Variants in DNER observed in about 807,000 individuals in gnomAD.
DNER encodes the protein delta and Notch-like epidermal growth factor-related receptor.
In DNER, 33 loss-of-function variants were observed where a neutral mutation model predicts 78.2. The observed-to-expected ratio is 0.42, with a 90% confidence interval of 0.32 to 0.56. DNER has a LOEUF of 0.56. DNER is among the 20% of genes least tolerant of loss of function. DNER has a pLI of 0.11. For synonymous variants in DNER, 417 were observed against 384.8 expected (o/e 1.08, Z -0.98); for missense variants, 918 against 975.3 (o/e 0.94, Z 0.78).
chr2:229,494,065 T>C (rs927043778), intron 6 of DNER, among the ~76,000 whole-genome samples: 4 of 152,198 alleles, frequency 2.6e-5, no homozygotes, highest in East Asian at 1.9e-4. Context: ...AATAGTATGA[T>C]ATTAGGGCTT....
At chr2:229,391,060 G>A (rs550199382) in intron 10 of DNER, among the ~76,000 whole-genome samples, 66 of 152,270 alleles carry the variant, frequency 4.3e-4, no homozygotes, top group African/African-American at 1.5e-3. Context: ...AGCCCCTCAA[G>A]GGAGTTTTCA....
chr2:229,557,585 G>A (rs754639023), intron 4 of DNER, among the ~76,000 whole-genome samples: 13 of 151,872 alleles, frequency 8.6e-5, no homozygotes, highest in Non-Finnish European at 1.8e-4. Context: ...AGCCTGCTGT[G>A]AATTACAAGC....
chr2:229,397,955 C>A (rs904988744), intron 10 of DNER, among the ~76,000 whole-genome samples: 8 of 151,478 alleles, frequency 5.3e-5, no homozygotes, highest in Non-Finnish European at 1.0e-4. Flanking sequence ...AGATCTTACC[C>A]AAAAAACCTA....
At chr2:229,576,385 A>G (rs1170353720) in intron 4 of DNER, among the ~76,000 whole-genome samples, 2 of 151,594 alleles carry the variant, frequency 1.3e-5, no homozygotes, top group Non-Finnish European at 2.9e-5. Flanking sequence ...ATATAATAAA[A>G]AGGGGGAATG....
intron 8 of DNER, among the ~76,000 whole-genome samples, chr2:229,433,850 T>C (rs978770968): frequency 2.6e-5 from 4 of 152,244 alleles, no homozygotes; most frequent in African/African-American, 4.8e-5. Flanking sequence ...ATTAGCTTTT[T>C]GCATTCCTAA....
chr2:229,658,343 G>T (rs1489423955), intron 1 of DNER, among the ~76,000 whole-genome samples: 1 of 152,170 alleles, frequency 6.6e-6, no homozygotes, highest in Non-Finnish European at 1.5e-5. Context: ...TATTTACCGT[G>T]GTTGACGATG....
intron 1 of DNER, among the ~76,000 whole-genome samples, chr2:229,706,820 C>G (rs888549122): frequency 1.3e-5 from 2 of 152,158 alleles, no homozygotes; most frequent in Non-Finnish European, 2.9e-5. Flanking sequence ...AAGCGATCCT[C>G]CCACCTTGGC....
At chr2:229,642,641 C>T (rs940173389) in intron 1 of DNER, among the ~76,000 whole-genome samples, 17 of 152,322 alleles carry the variant, frequency 1.1e-4, no homozygotes, top group African/African-American at 3.8e-4. Context: ...TTGAGTGAGC[C>T]ACTGCCCTTC....
At chr2:229,395,303 G>C (rs1399158611) in intron 10 of DNER, among the ~76,000 whole-genome samples, 2 of 152,208 alleles carry the variant, frequency 1.3e-5, no homozygotes, top group African/African-American at 2.4e-5. Flanking sequence ...TAAGAAAACT[G>C]TGGTTTGGAT....
At chr2:229,466,670 T>C (rs912440682) in intron 7 of DNER, among the ~76,000 whole-genome samples, 2 of 152,130 alleles carry the variant, frequency 1.3e-5, no homozygotes, top group African/African-American at 4.8e-5. Flanking sequence ...CACTGCAAGG[T>C]AGGTAATCAA....
intron 7 of DNER, among the ~76,000 whole-genome samples, chr2:229,452,644 T>A (rs567928857): frequency 2.4e-4 from 36 of 152,276 alleles, no homozygotes; most frequent in South Asian, 4.2e-4. Flanking sequence ...TTATTTATTT[T>A]TTGAGATGGA....
At chr2:229,630,818 T>G (rs1339614663) in intron 1 of DNER, among the ~76,000 whole-genome samples, 1 of 152,030 alleles carries the variant, frequency 6.6e-6, no homozygotes, top group Non-Finnish European at 1.5e-5. Flanking sequence ...TAGTCCCCAA[T>G]GTCTATTTTT....
At chr2:229,588,594 T>TGC in intron 2 of DNER, 106 bp from the exon 3 acceptor site, 2 of 903,236 alleles carry the variant, frequency 2.2e-6, no homozygotes, top group Non-Finnish European at 3.5e-6. Context: ...CTTTTGATGA[T>TGC]GCGGGGGTAG....
At chr2:229,521,935 T>C (rs952586258) in intron 5 of DNER, among the ~76,000 whole-genome samples, 2 of 152,202 alleles carry the variant, frequency 1.3e-5, no homozygotes, top group East Asian at 1.9e-4. Context: ...ATATCACTTA[T>C]AGCTCATAAT....
intron 1 of DNER, among the ~76,000 whole-genome samples, chr2:229,607,427 G>A (rs1196688984): frequency 3.9e-5 from 6 of 152,078 alleles, no homozygotes; most frequent in Middle Eastern, 3.2e-3. Flanking sequence ...ACTTGTTCAC[G>A]GTCCTTCAGC....
intron 1 of DNER, among the ~76,000 whole-genome samples, chr2:229,627,547 A>G (rs920105322): frequency 3.3e-5 from 5 of 152,256 alleles, no homozygotes; most frequent in African/African-American, 1.2e-4. Flanking sequence ...CCACCTATTA[A>G]CAATGAACAA....
At chr2:229,515,130 A>G (rs1695944210) in intron 5 of DNER, among the ~76,000 whole-genome samples, 1 of 152,210 alleles carries the variant, frequency 6.6e-6, no homozygotes, top group African/African-American at 2.4e-5. Flanking sequence ...CATTCTAGCA[A>G]TAAAATGAGG....
In DNER at chr2:229,418,152, T is replaced by G; in HGVS notation, c.1565A>C (p.Asp522Ala). 4 of 1,614,172 alleles carry G rather than the reference T, an allele frequency of 2.5e-6. No homozygotes were observed. Among genetic ancestry groups the G allele is most frequent in the Non-Finnish European group, 3.4e-6 (4 of 1,180,004 alleles). The change falls in exon 9 of 13, where the codon GAC becomes GCC. Residue 522 changes from aspartate (D) to alanine (A), a missense_variant. Asp to Ala is a moderately radical substitution (Grantham distance 126). Coordinates refer to ENST00000341772, the MANE Select transcript of DNER (RefSeq NM_139072.4). ...APCLNAATCRDLVNGYECVCL... is the reference protein window; with the variant it reads ...APCLNAATCRALVNGYECVCL... ...CACACACTCATAGCCATTAACGAGGTCCCTGCAGGTGGCTGCATTCAGGCA... is the reference window on the plus strand; with the variant it reads ...CACACACTCATAGCCATTAACGAGGGCCCTGCAGGTGGCTGCATTCAGGCA...
chr2:229,384,637 A>G (rs1246438426), intron 11 of DNER, among the ~76,000 whole-genome samples: 1 of 152,184 alleles, frequency 6.6e-6, no homozygotes, highest in African/African-American at 2.4e-5. Flanking sequence ...AAACACCTCT[A>G]TGCAAATAAA....
Sources: allele counts gnomAD v4.1 joint callset (sites outside exome capture counted in the v4.1 genomes callset), GRCh38; gene constraint gnomAD v4.1.1; transcripts MANE v1.5; gene names NCBI Gene and HGNC (gene_info 2026-07-23, HGNC 2026-07-21).